The following ZNF208 variants were observed in gnomAD, a reference collection of about 807,000 sequenced individuals.
ZNF208 encodes the protein zinc finger protein 95.
In ZNF208, 10 loss-of-function variants were observed where a neutral mutation model predicts 12.1. That is an observed-to-expected ratio of 0.83 (90% CI 0.51 to 1.40). ZNF208 has a LOEUF of 1.40. ZNF208 is among the 40% of genes most tolerant of loss of function. The pLI is 0.00. For missense variants in ZNF208, 1,652 were observed against 1,485.0 expected, an observed-to-expected ratio of 1.11 and a Z score of -1.85; for synonymous variants, 497 against 488.4, an observed-to-expected ratio of 1.02 and a Z score of -0.23.
At chr19:21,958,813 G>C (rs372096466) in intron 4 of ZNF208, among the ~76,000 whole-genome samples, 1 of 152,120 alleles carries the variant, frequency 6.6e-6, no homozygotes, top group Admixed American at 6.6e-5. Flanking sequence ...AGCAGTTAGG[G>C]TCTCCCCTCC....
chr19:21,988,995 G>C, intron 1 of ZNF208, 86 bp from the exon 2 acceptor site: 1 of 1,552,454 alleles, frequency 6.4e-7, no homozygotes, highest in Non-Finnish European at 8.7e-7. Context: ...AGAGTAAAGA[G>C]AGCTGGTTCT....
In ZNF208 at chr19:21,973,667, T is replaced by C; in HGVS notation, c.1367A>G (p.Glu456Gly). 6.4e-7 allele frequency: 1 copy of C among 1,571,134 alleles called. No individual in the cohort carries two copies. The highest frequency in any genetic ancestry group is 8.7e-7 in the Non-Finnish European group (1 of 1,144,282). Residue 456 changes from glutamate (E) to glycine (G), a missense_variant, in exon 4 of 4, where the codon GAA becomes GGA. By Grantham distance (98) the Glu-to-Gly change is moderately conservative. Coordinates refer to ENST00000397126, the MANE Select transcript of ZNF208 (RefSeq NM_007153.3). ...IHTGETPYKC[E>G]ECGKGFSMFS... ...CATACTAAAGCCTTTGCCACATTCT[T>C]CACATTTGTAGGGTGTCTCTCCAGT...
downstream of ZNF208, among the ~76,000 whole-genome samples, chr19:21,961,359 AAG>A (rs781492377): frequency 6.6e-6 from 1 of 152,182 alleles, no homozygotes; most frequent in Non-Finnish European, 1.5e-5. Flanking sequence ...AAAGGGCAAA[AAG>A]AGAACAAAGA....
downstream of ZNF208, among the ~76,000 whole-genome samples, chr19:21,963,359 A>C (rs1281559639): frequency 1.3e-5 from 2 of 152,100 alleles, no homozygotes; most frequent in Non-Finnish European, 2.9e-5. Flanking sequence ...ACTATAAATA[A>C]ACAATCTTTT....
At chr19:21,956,181 T>C (rs1969972697) in intron 4 of ZNF208, among the ~76,000 whole-genome samples, 1 of 152,226 alleles carries the variant, frequency 6.6e-6, no homozygotes. Flanking sequence ...TATTGCTGCC[T>C]GATCCTTCCT....
downstream of ZNF208, among the ~76,000 whole-genome samples, chr19:21,963,611 T>C (rs561593973): frequency 9.7e-4 from 148 of 152,150 alleles, 1 homozygote; most frequent in Non-Finnish European, 1.8e-4. Context: ...CTTAATTTAA[T>C]TGAACTGTCA....
At chr19:21,965,640 C>T (rs1428640750), downstream of ZNF208, 2 of 151,940 alleles carry the variant, frequency 1.3e-5, no homozygotes, top group African/African-American at 2.4e-5. Flanking sequence ...TGAGCATTTG[C>T]AGCACTGTGG....
chr19:21,985,998 T>G (rs1440863048), intron 3 of ZNF208, among the ~76,000 whole-genome samples: 26 of 152,194 alleles, frequency 1.7e-4, no homozygotes, highest in Admixed American at 6.5e-5. Context: ...AAGCCCCTTA[T>G]AGTAAGCCAA....
Position 21,972,619 on chromosome 19 carries a change from G to A in ZNF208, c.2415C>T (p.Tyr805=), listed in dbSNP as rs1301292898. 6.2e-7 allele frequency: 1 copy of A among 1,613,398 alleles called. No individual in the cohort carries two copies. Residue 805 remains tyrosine, a synonymous_variant, in exon 4 of 4, where the codon TAC becomes TAT. Transcript: ENST00000397126. ...HKRIHTDEKP[Y]KCEECGKTFS... ...AGGTTTTGCCACATTCTTCACATTT[G>A]TAGGGTTTCTCATCAGTATGAATTC...
Position 21,968,775 on chromosome 19 carries a change from A to AT in ZNF208, c.*2415_*2416insA, listed in dbSNP as rs35935777. On this transcript the variant is annotated 3_prime_UTR_variant, in exon 4 of 4. Transcript: ENST00000397126. ...AGTAGGCTTAGGTAAAACTCTTTGCAATGTGGTAAAACTTCGCTGTGATTT... is the reference window on the plus strand; with the variant it reads ...AGTAGGCTTAGGTAAAACTCTTTGCATATGTGGTAAAACTTCGCTGTGATTT... Among the ~76,000 whole-genome samples the AT allele has an allele frequency of 0.62, 93,345 of 151,398 alleles. 29,454 individuals are homozygous for AT. The highest frequency in any genetic ancestry group is 0.74 in the African/African-American group (30,539 of 41,296).
chr19:21,950,352 T>A (rs200330443), intron 4 of ZNF208, among the ~76,000 whole-genome samples: 7 of 152,140 alleles, frequency 4.6e-5, no homozygotes, highest in African/African-American at 1.7e-4. Context: ...AAAGCCACCA[T>A]AAATTGCATT....
chr19:21,967,485 A>C lies in ZNF208; in HGVS notation c.*3706T>G, dbSNP rs1307162428. 1 of 152,206 alleles carries C rather than the reference A, an allele frequency of 6.6e-6. No individual in the cohort carries two copies. Among genetic ancestry groups the C allele is most frequent in the East Asian group, 1.9e-4 (1 of 5,184 alleles). 9.4% of individuals were successfully genotyped at this position (152,206 alleles called of 1,614,324 possible). ...ACTGCAACCTCCACCTCCCAGGCTC[A>C]AATGGTTCTCTTTCCTCAGCCTCCC... is the stretch of plus-strand genomic sequence containing the variant. On this transcript the variant is annotated 3_prime_UTR_variant, in exon 4 of 4. Coordinates refer to ENST00000397126, the MANE Select transcript of ZNF208 (RefSeq NM_007153.3).
rs915162556 is a variant in ZNF208 at position 22,003,406 on chromosome 19, T to C, written c.3+7386A>G. On this transcript the variant is annotated intron_variant, in intron 1 of 3. Coordinates refer to ENST00000397126, the MANE Select transcript of ZNF208 (RefSeq NM_007153.3). ...AGTAAACAGACATCCTACAAAATAA[T>C]AGAAAATATTTGCAAACTATGCTTC... 7.8e-4 allele frequency among the ~76,000 whole-genome samples: 117 copies of C among 150,012 alleles called. 1 individual carries two copies. The highest frequency in any genetic ancestry group is 2.7e-3 in the African/African-American group (110 of 40,680).
chr19:21,985,595 T>C (rs1970618212), intron 3 of ZNF208, among the ~76,000 whole-genome samples: 3 of 152,192 alleles, frequency 2.0e-5, no homozygotes, highest in Non-Finnish European at 2.9e-5. Context: ...ACGGAGAATT[T>C]TGAACTTACT....
chr19:22,003,267 A>G (rs1477304144), intron 1 of ZNF208, among the ~76,000 whole-genome samples: 1 of 152,242 alleles, frequency 6.6e-6, no homozygotes, highest in South Asian at 2.1e-4. Context: ...CATTCTAGAC[A>G]TAGAAACTGG....
At position 21,966,600 on chromosome 19, in the gene ZNF208, A is replaced by G. The variant is rs1266174270; in HGVS notation, c.*4591T>C. On this transcript the variant is annotated 3_prime_UTR_variant, in exon 4 of 4. Coordinates refer to ENST00000397126, the MANE Select transcript of ZNF208 (RefSeq NM_007153.3). ...TGGTGTCTCTTTGGCAAAATTATTTATTCTTTTTGGGGGCAGATATCCAGT... is the reference window on the plus strand; with the variant it reads ...TGGTGTCTCTTTGGCAAAATTATTTGTTCTTTTTGGGGGCAGATATCCAGT... 3 of 152,098 alleles carry G rather than the reference A, an allele frequency of 2.0e-5. No individual in the cohort carries two copies. The highest frequency in any genetic ancestry group is 4.4e-5 in the Non-Finnish European group (3 of 67,988). 9.4% of individuals were successfully genotyped at this position (152,098 alleles called of 1,614,324 possible).
At chr19:21,965,572 T>A (rs2145534710), downstream of ZNF208, 1 of 152,190 alleles carries the variant, frequency 6.6e-6, no homozygotes, top group East Asian at 1.9e-4. Flanking sequence ...AGAAAAGTAC[T>A]CTAAAAATAC....
chr19:21,975,959 T>C (rs1237437249), intron 3 of ZNF208, among the ~76,000 whole-genome samples: 2 of 151,244 alleles, frequency 1.3e-5, no homozygotes, highest in African/African-American at 2.4e-5. Context: ...GCACTGCATA[T>C]GTCTTCCATA....
chr19:21,948,078 CT>C (rs1248442299), intron 4 of ZNF208, among the ~76,000 whole-genome samples: 1 of 152,152 alleles, frequency 6.6e-6, no homozygotes, highest in African/African-American at 2.4e-5. Context: ...CCCTTTTTCT[CT>C]TTCCGCCACA....
Sources: gnomAD v4.1 joint callset for allele counts (sites outside exome capture counted in the v4.1 genomes callset) on GRCh38, gnomAD v4.1.1 for gene constraint, MANE v1.5 for transcripts, NCBI Gene and HGNC (gene_info 2026-07-23, HGNC 2026-07-21) for gene names.